The following SUCLG2 variants were observed in gnomAD, a reference collection of about 807,000 sequenced individuals.
SUCLG2 encodes succinate--CoA ligase [GDP-forming] subunit beta, mitochondrial.
Under a neutral mutation model 47.9 loss-of-function variants are expected in SUCLG2, and 42 were observed. The observed-to-expected ratio is 0.88, with a 90% CI of 0.69 to 1.14. The LOEUF (loss-of-function observed/expected upper bound fraction) is 1.14, where lower values mean the gene tolerates loss of function less well. Among genes scored for constraint, SUCLG2 ranks in the 50% most tolerant of loss-of-function variants. The pLI is 0.00. For synonymous variants in SUCLG2, 195 were observed against 197.3 expected (o/e 0.99, Z 0.10); for missense variants, 571 against 525.9 (o/e 1.09, Z -0.84).
chr3:67,459,956 T>TCA (rs147383899), intron 9 of SUCLG2, among the ~76,000 whole-genome samples: 4,070 of 152,288 alleles, frequency 0.027, 68 homozygotes, highest in African/African-American at 0.049. Context: ...CCCAGCTGCT[T>TCA]CAGCTTCTTA....
intron 10 of SUCLG2, among the ~76,000 whole-genome samples, chr3:67,366,097 A>G (rs1038270289): frequency 6.6e-6 from 1 of 152,180 alleles, no homozygotes; most frequent in Admixed American, 6.5e-5. Context: ...TAACATATAC[A>G]TGAACATGTG....
intron 6 of SUCLG2, among the ~76,000 whole-genome samples, chr3:67,517,768 T>A (rs1575749187): frequency 6.6e-6 from 1 of 152,224 alleles, no homozygotes; most frequent in Admixed American, 6.5e-5. Context: ...ATTAGCTAAA[T>A]AACATGTATT....
chr3:67,523,454 T>A (rs970426327), intron 4 of SUCLG2, among the ~76,000 whole-genome samples: 7 of 152,192 alleles, frequency 4.6e-5, no homozygotes, highest in Non-Finnish European at 4.4e-5. Flanking sequence ...AAACCATCAG[T>A]CAGTGCCTAA....
chr3:67,557,737 TTGAGAAATCCAAAGCA>T (rs1707199583), intron 2 of SUCLG2, among the ~76,000 whole-genome samples: 1 of 152,132 alleles, frequency 6.6e-6, no homozygotes, highest in African/African-American at 2.4e-5. Flanking sequence ...ATCTTAATAA[TTGAGAAATCCAAAGCA>T]AATGAATCAA....
At chr3:67,380,940 C>G (rs1702145283) in intron 10 of SUCLG2, among the ~76,000 whole-genome samples, 1 of 152,152 alleles carries the variant, frequency 6.6e-6, no homozygotes, top group African/African-American at 2.4e-5. Flanking sequence ...TGACCCTGCC[C>G]TTGTCGTTAA....
chr3:67,523,674 T>C (rs1017773907), intron 4 of SUCLG2, among the ~76,000 whole-genome samples: 1 of 152,220 alleles, frequency 6.6e-6, no homozygotes, highest in Non-Finnish European at 1.5e-5. Flanking sequence ...TAATCATTTC[T>C]TCTAAAACTT....
chr3:67,547,597 G>A (rs1706899875), intron 2 of SUCLG2, among the ~76,000 whole-genome samples: 1 of 152,160 alleles, frequency 6.6e-6, no homozygotes, highest in Non-Finnish European at 1.5e-5. Flanking sequence ...TGATTTGACT[G>A]TGGGGAGGGG....
intron 2 of SUCLG2, among the ~76,000 whole-genome samples, chr3:67,602,004 A>AAAAAAT (rs3030312): frequency 0.5 from 75,131 of 150,754 alleles, 19,900 homozygotes; most frequent in African/African-American, 0.68. Context: ...TTAAAAATTA[A>AAAAAAT]AAAAATAAAA....
chr3:67,565,800 A>G (rs979389185), intron 2 of SUCLG2, among the ~76,000 whole-genome samples: 1 of 152,222 alleles, frequency 6.6e-6, no homozygotes, highest in Admixed American at 6.5e-5. Flanking sequence ...CCTCTCCACA[A>G]TGGTCTACTA....
Position 67,609,449 on chromosome 3 carries a change from GCTTA to G in SUCLG2, c.226+2_226+5del. Reference sequence around the variant, plus strand: ...AGTGTATTTCACCCATTATGAATCAGCTTACTTAGTCTCTTAGCAGCCTCGAGAG... The same window carrying G: ...AGTGTATTTCACCCATTATGAATCAGCTTAGTCTCTTAGCAGCCTCGAGAG... On this transcript the variant is annotated splice_donor_variant and splice_donor_5th_base_variant and intron_variant, in intron 2 of 10. Transcript: ENST00000307227. LOFTEE classifies it high-confidence loss of function. 1 of 1,610,180 alleles carries G rather than the reference GCTTA, an allele frequency of 6.2e-7. No homozygotes were observed. The highest frequency in any genetic ancestry group is 8.5e-7 in the Non-Finnish European group (1 of 1,178,866).
intron 10 of SUCLG2, among the ~76,000 whole-genome samples, chr3:67,394,129 A>G (rs919016418): frequency 1.3e-5 from 2 of 152,216 alleles, no homozygotes; most frequent in African/African-American, 4.8e-5. Flanking sequence ...CCTCCTCCAA[A>G]GGAATGCAGT....
chr3:67,448,794 A>C (rs899082674), intron 9 of SUCLG2, among the ~76,000 whole-genome samples: 6 of 152,240 alleles, frequency 3.9e-5, no homozygotes, highest in African/African-American at 1.4e-4. Context: ...AACTGCATGA[A>C]AAAACACTAT....
chr3:67,434,877 C>A (rs1703577702), intron 9 of SUCLG2, among the ~76,000 whole-genome samples: 1 of 152,216 alleles, frequency 6.6e-6, no homozygotes, highest in Non-Finnish European at 1.5e-5. Context: ...CAAGTCCAAT[C>A]TGATACATTG....
chr3:67,568,434 A>G (rs1480006451), intron 2 of SUCLG2, among the ~76,000 whole-genome samples: 1 of 152,230 alleles, frequency 6.6e-6, no homozygotes, highest in Non-Finnish European at 1.5e-5. Flanking sequence ...AAAGAGATAA[A>G]TGAGAGAGAA....
rs115956033 is a variant in SUCLG2, at chr3:67,551,795, A to G, written c.227-22609T>C. Among the ~76,000 whole-genome samples the G allele has an allele frequency of 4.9e-3, 739 of 152,266 alleles. 5 individuals carry two copies. The highest frequency in any genetic ancestry group is 0.017 in the African/African-American group (707 of 41,538). ...CACCACTGGCTATGCACCAGGAGCT[A>G]TTCAAAGGACATTACAAACCTCACC... On this transcript the variant is annotated intron_variant, in intron 2 of 10. Coordinates refer to ENST00000307227, the MANE Select transcript of SUCLG2 (RefSeq NM_003848.4).
At chr3:67,533,817 A>ATAAGAT (rs1706465306) in intron 2 of SUCLG2, among the ~76,000 whole-genome samples, 1 of 152,198 alleles carries the variant, frequency 6.6e-6, no homozygotes, top group South Asian at 2.1e-4. Context: ...GTCAATGGGA[A>ATAAGAT]TAAGATGATA....
At chr3:67,650,626 G>A (rs115090435) in intron 1 of SUCLG2, among the ~76,000 whole-genome samples, 1,660 of 152,138 alleles carry the variant, frequency 0.011, 34 homozygotes, top group African/African-American at 0.037. Flanking sequence ...GCATGGTGGC[G>A]TGCATCTGTG....
At chr3:67,580,377 G>A (rs941287677) in intron 2 of SUCLG2, among the ~76,000 whole-genome samples, 3 of 152,062 alleles carry the variant, frequency 2.0e-5, no homozygotes, top group Non-Finnish European at 4.4e-5. Flanking sequence ...TTACATCTGG[G>A]TGGGAAAATT....
chr3:67,372,633 C>A (rs1413655833), downstream of SUCLG2, among the ~76,000 whole-genome samples: 2 of 152,110 alleles, frequency 1.3e-5, no homozygotes, highest in South Asian at 4.1e-4. Flanking sequence ...CAAAAAGTAA[C>A]AAAACTGAAT....
Sources: allele counts gnomAD v4.1 joint callset (sites outside exome capture counted in the v4.1 genomes callset), GRCh38; gene constraint gnomAD v4.1.1; transcripts MANE v1.5; gene names NCBI Gene and HGNC (gene_info 2026-07-23, HGNC 2026-07-21).